Variants in NUDT18 observed in about 807,000 individuals in gnomAD.
The protein encoded by NUDT18 is nudix hydrolase 18, also known as 8-oxo-dGDP phosphatase NUDT18.
In NUDT18, 26 loss-of-function variants were observed where a neutral mutation model predicts 27.6. That is an observed-to-expected ratio of 0.94 (90% CI 0.69 to 1.31). The LOEUF (loss-of-function observed/expected upper bound fraction) is 1.31, where lower values mean the gene tolerates loss of function less well. Ranked by LOEUF, NUDT18 falls within the 50% of genes most tolerant of loss-of-function variation. The pLI is 0.00. For missense variants in NUDT18, 450 were observed against 433.4 expected (o/e 1.04, Z -0.34); for synonymous variants, 220 against 196.9 (o/e 1.12, Z -0.98).
At position 22,108,285 on chromosome 8, in the gene NUDT18, G is replaced by A. The variant is rs368311074; in HGVS notation, c.224C>T (p.Ala75Val). ...RECRGSWYLP[A>V]GRMEPGETIV... Reference sequence around the variant, plus strand: ...GGTCTCCCCTGGCTCCATTCTCCCCGCAGGCAGGTACCACGACCCCCGGCA... The same window carrying A: ...GGTCTCCCCTGGCTCCATTCTCCCCACAGGCAGGTACCACGACCCCCGGCA... Residue 75 changes from alanine (A) to valine (V), a missense_variant, in exon 2 of 3, where the codon GCG (alanine) becomes GTG (valine). Coordinates refer to ENST00000611621, the MANE Select transcript of NUDT18 (RefSeq NM_024815.4). The A allele has an allele frequency of 1.3e-6, 2 of 1,594,128 alleles. No individual in the cohort carries two copies. Among genetic ancestry groups the A allele is most frequent in the Middle Eastern group, 1.7e-4 (1 of 6,032 alleles).
rs374856001 is a variant in NUDT18 at position 22,107,573 on chromosome 8, G to A, written c.699C>T (p.Ala233=). Residue 233 remains alanine (A), a synonymous_variant, in exon 3 of 3, where the codon GCC becomes GCT. Coordinates refer to ENST00000611621, the MANE Select transcript of NUDT18 (RefSeq NM_024815.4). ...PMEQRGGMKM[A]VLRLLQECLT... is the part of the protein sequence containing the mutation. ...GACACTCCTGCAGCAGCCGCAGGAC[G>A]GCCATCTTCATGCCACCCCTCTGCT... 196 of 1,612,952 alleles carry A rather than the reference G, an allele frequency of 1.2e-4. No individual in the cohort carries two copies. Among genetic ancestry groups the A allele is most frequent in the Non-Finnish European group, 1.5e-4 (181 of 1,179,876 alleles).
At position 22,109,296 on chromosome 8, in the gene NUDT18, G is replaced by A; in HGVS notation, c.5C>T (p.Ala2Val). M[A>V]SEGLAGALAS... ...CAGCGCCCCCGCCAGGCCCTCCGAG[G>A]CCATCGGGTCCCCCGGGGGGCGGCG... Residue 2 changes from alanine (A) to valine (V), a missense_variant, in exon 1 of 3, where the codon GCC becomes GTC. Transcript: ENST00000611621. 3 of 1,362,886 alleles carry A rather than the reference G, an allele frequency of 2.2e-6. No homozygotes were observed. Among genetic ancestry groups the A allele is most frequent in the Non-Finnish European group, 2.8e-6 (3 of 1,065,306 alleles). The allele number at this position is 1,362,886 out of a possible 1,614,324, so 84.4% of individuals were successfully genotyped here.
chr8:22,107,461 T>C lies in NUDT18; in HGVS notation c.811A>G (p.Asn271Asp). 1 of 1,613,184 alleles carries C rather than the reference T, an allele frequency of 6.2e-7. No individual in the cohort carries two copies. The highest frequency in any genetic ancestry group is 8.5e-7 in the Non-Finnish European group (1 of 1,179,854). ...CGAAAAGCCACGGTCACCAGCACAT[T>C]CAAACAGATGCCATCACTGTGATCT... The part of the protein sequence containing the change: ...GRDHSDGICL[N>D]VLVTVAFRSP... Residue 271 changes from asparagine to aspartate, a missense_variant, in exon 3 of 3, where the codon AAT becomes GAT. Coordinates refer to ENST00000611621, the MANE Select transcript of NUDT18 (RefSeq NM_024815.4).
chr8:22,109,401 CGGG>C lies in NUDT18; in HGVS notation c.-104_-102del. 7.9e-6 allele frequency: 9 copies of C among 1,144,902 alleles called. No homozygotes were observed. Among genetic ancestry groups the C allele is most frequent in the Non-Finnish European group, 9.1e-6 (8 of 879,108 alleles). 70.9% of individuals were successfully genotyped at this position (1,144,902 alleles called of 1,614,324 possible). ...AGCCCGCTCCCAGTCCCTGCGGCAG[CGGG>C]CCGGGAGCTCACGAGAACGCGGAAG... On this transcript the variant is annotated 5_prime_UTR_variant, in exon 1 of 3. Transcript: ENST00000611621.
upstream of NUDT18, chr8:22,109,901 G>A: frequency 2.8e-6 from 1 of 357,450 alleles, no homozygotes. Context: ...ATGTCACATG[G>A]CCCGTGGGGT....
chr8:22,109,368 C>A lies in NUDT18; in HGVS notation c.-68G>T. The A allele has an allele frequency of 2.3e-6, 3 of 1,319,438 alleles. No homozygotes were observed. Among genetic ancestry groups the A allele is most frequent in the South Asian group, 3.9e-5 (2 of 51,610 alleles). The allele number at this position is 1,319,438 out of a possible 1,614,324, so 81.7% of individuals were successfully genotyped here. ...CTGAGCCGAGCCGCGGGCTAGAGTG[C>A]GCTGCGGAGCCCGCTCCCAGTCCCT... On this transcript the variant is annotated 5_prime_UTR_variant, in exon 1 of 3. Transcript: ENST00000611621.
At chr8:22,109,734 G>A (rs558752120), upstream of NUDT18, 1 of 457,888 alleles carries the variant, frequency 2.2e-6, no homozygotes, top group Non-Finnish European at 4.4e-6. Context: ...TGCGCCGCCG[G>A]GGTAGGCGAC....
rs1826404386 is a variant in NUDT18, at chr8:22,108,322, CCTCCTGGATCAGTAGCACCT to C, written c.167_186del (p.Glu56GlyfsTer39). 6.3e-7 allele frequency: 1 copy of C among 1,582,304 alleles called. No individual in the cohort carries two copies. The stretch of plus-strand genomic sequence containing the variant: ...CACGACCCCCGGCACTCCCTCTTGG[CCTCCTGGATCAGTAGCACCT>C]CATCCTGAGAGGAGAGAGGATCCTC... On this transcript the variant is annotated frameshift_variant, in exon 2 of 3. Transcript: ENST00000611621. LOFTEE classifies it high-confidence loss of function.
chr8:22,109,386 C>CAGTCCCTGCGGAGCCCGCTCCT lies in NUDT18; in HGVS notation c.-87_-86insAGGAGCGGGCTCCGCAGGGACT. 2 of 1,286,524 alleles carry CAGTCCCTGCGGAGCCCGCTCCT rather than the reference C, an allele frequency of 1.6e-6. No homozygotes were observed. The highest frequency in any genetic ancestry group is 2.0e-6 in the Non-Finnish European group (2 of 1,005,990). 79.7% of individuals were successfully genotyped at this position (1,286,524 alleles called of 1,614,324 possible). On this transcript the variant is annotated 5_prime_UTR_variant, in exon 1 of 3. Coordinates refer to ENST00000611621, the MANE Select transcript of NUDT18 (RefSeq NM_024815.4). The stretch of plus-strand genomic sequence containing the variant: ...TAGAGTGCGCTGCGGAGCCCGCTCC[C>CAGTCCCTGCGGAGCCCGCTCCT]AGTCCCTGCGGCAGCGGGCCGGGAG...
Position 22,107,516 on chromosome 8 carries a change from CT to C in NUDT18, c.755del (p.Lys252ArgfsTer19). The C allele has an allele frequency of 3.7e-6, 6 of 1,613,134 alleles. No homozygotes were observed. The highest frequency in any genetic ancestry group is 5.1e-6 in the Non-Finnish European group (6 of 1,179,882). The part of the protein sequence containing the change: ...LTLHHLVVEI[K>X]GLLGLQHLGR... ...CCAGGTGCTGCAGTCCAAGCAACCC[CT>C]TGATCTCCACCACCAAGTGGTGCAG... On this transcript the variant is annotated frameshift_variant, in exon 3 of 3. Coordinates refer to ENST00000611621, the MANE Select transcript of NUDT18 (RefSeq NM_024815.4). LOFTEE classifies it high-confidence loss of function.
chr8:22,109,383 T>TCCCAGTCCCTGCGGAGCCCGCC lies in NUDT18; in HGVS notation c.-84_-83insGGCGGGCTCCGCAGGGACTGGG. The TCCCAGTCCCTGCGGAGCCCGCC allele has an allele frequency of 7.7e-7, 1 of 1,291,952 alleles. No homozygotes were observed. Among genetic ancestry groups the TCCCAGTCCCTGCGGAGCCCGCC allele is most frequent in the Non-Finnish European group, 9.9e-7 (1 of 1,011,104 alleles). The allele number at this position is 1,291,952 out of a possible 1,614,324, so 80.0% of individuals were successfully genotyped here. ...GGCTAGAGTGCGCTGCGGAGCCCGCTCCCAGTCCCTGCGGCAGCGGGCCGG... is the reference window on the plus strand; with the variant it reads ...GGCTAGAGTGCGCTGCGGAGCCCGCTCCCAGTCCCTGCGGAGCCCGCCCCCAGTCCCTGCGGCAGCGGGCCGG... On this transcript the variant is annotated 5_prime_UTR_variant, in exon 1 of 3. Coordinates refer to ENST00000611621, the MANE Select transcript of NUDT18 (RefSeq NM_024815.4).
At position 22,109,399 on chromosome 8, in the gene NUDT18, A is replaced by AGTCCCTGCGGAGACCGCTCCCAGTCCCT; in HGVS notation, c.-100_-99insAGGGACTGGGAGCGGTCTCCGCAGGGAC. ...GGAGCCCGCTCCCAGTCCCTGCGGCAGCGGGCCGGGAGCTCACGAGAACGC... is the reference window on the plus strand; with the variant it reads ...GGAGCCCGCTCCCAGTCCCTGCGGCAGTCCCTGCGGAGACCGCTCCCAGTCCCTGCGGGCCGGGAGCTCACGAGAACGC... On this transcript the variant is annotated 5_prime_UTR_variant, in exon 1 of 3. Coordinates refer to ENST00000611621, the MANE Select transcript of NUDT18 (RefSeq NM_024815.4). The AGTCCCTGCGGAGACCGCTCCCAGTCCCT allele has an allele frequency of 3.0e-5, 9 of 301,108 alleles. No homozygotes were observed. Among genetic ancestry groups the AGTCCCTGCGGAGACCGCTCCCAGTCCCT allele is most frequent in the Non-Finnish European group, 2.7e-5 (6 of 220,652 alleles). The allele number at this position is 301,108 out of a possible 1,614,324, so 18.7% of individuals were successfully genotyped here.
Position 22,109,325 on chromosome 8 carries a change from C to T in NUDT18, c.-25G>A, listed in dbSNP as rs371618895. On this transcript the variant is annotated 5_prime_UTR_variant, in exon 1 of 3. Transcript: ENST00000611621. ...TCGGGTCCCCCGGGGGGCGGCGGGC[C>T]GGATCCTCGCAGACCGACTGAGCCG... is the stretch of plus-strand genomic sequence containing the variant. The T allele has an allele frequency of 2.0e-5, 26 of 1,329,850 alleles. No homozygotes were observed. In the East Asian group the frequency reaches 3.2e-4, roughly 16 times the overall value. The allele number at this position is 1,329,850 out of a possible 1,614,324, so 82.4% of individuals were successfully genotyped here.
intron 2 of NUDT18, 108 bp from the exon 3 acceptor site, chr8:22,108,003 A>C: frequency 7.4e-7 from 1 of 1,347,634 alleles, no homozygotes; most frequent in South Asian, 1.5e-5. Context: ...CCCAGCCCAA[A>C]GGCTGGAATC....
chr8:22,107,965 C>G, intron 2 of NUDT18, 70 bp from the exon 3 acceptor site: 1 of 1,403,562 alleles, frequency 7.1e-7, no homozygotes, highest in Non-Finnish European at 9.5e-7. Flanking sequence ...GCAGAGTCAA[C>G]AGACATCCCT....
rs1826429851 is a variant in NUDT18 at position 22,109,393 on chromosome 8, T to C, written c.-93A>G. ...CGCTGCGGAGCCCGCTCCCAGTCCC[T>C]GCGGCAGCGGGCCGGGAGCTCACGA... On this transcript the variant is annotated 5_prime_UTR_variant, in exon 1 of 3. Coordinates refer to ENST00000611621, the MANE Select transcript of NUDT18 (RefSeq NM_024815.4). 1 of 1,221,960 alleles carries C rather than the reference T, an allele frequency of 8.2e-7. No homozygotes were observed. Among genetic ancestry groups the C allele is most frequent in the East Asian group, 3.3e-5 (1 of 30,416 alleles). The allele number at this position is 1,221,960 out of a possible 1,614,324, so 75.7% of individuals were successfully genotyped here.
upstream of NUDT18, chr8:22,109,978 TGAG>T: frequency 3.4e-6 from 1 of 290,308 alleles, no homozygotes; most frequent in Non-Finnish European, 6.8e-6. Context: ...GAGTCCTAGA[TGAG>T]GAGTCAGCTG....
upstream of NUDT18, among the ~76,000 whole-genome samples, chr8:22,110,121 C>T (rs1268139296): frequency 1.3e-5 from 2 of 152,230 alleles, no homozygotes; most frequent in African/African-American, 4.8e-5. Flanking sequence ...GTCAGCCGGC[C>T]CACCCTCATC....
Position 22,107,607 on chromosome 8 carries a change from T to G in NUDT18, c.665A>C (p.Asp222Ala), listed in dbSNP as rs777032525. 12 of 1,612,924 alleles carry G rather than the reference T, an allele frequency of 7.4e-6. No homozygotes were observed. Among genetic ancestry groups the G allele is most frequent in the African/African-American group, 1.3e-5 (1 of 74,838 alleles). ...PHLPVTACGL[D>A]PMEQRGGMKM... ...CATGCCACCCCTCTGCTCCATAGGG[T>G]CGAGGCCACAGGCAGTGACAGGCAA... Residue 222 changes from aspartate (D) to alanine (A), a missense_variant, in exon 3 of 3, where the codon GAC (aspartate) becomes GCC (alanine). By Grantham distance (126) the Asp-to-Ala change is moderately radical (BLOSUM62 -2). Coordinates refer to ENST00000611621, the MANE Select transcript of NUDT18 (RefSeq NM_024815.4).
Sources: allele counts gnomAD v4.1 joint callset (sites outside exome capture counted in the v4.1 genomes callset), GRCh38; gene constraint gnomAD v4.1.1; transcripts MANE v1.5; gene names NCBI Gene and HGNC (gene_info 2026-07-23, HGNC 2026-07-21).